DNAJC4: variants seen among roughly 807,000 people sequenced by gnomAD.
DNAJC4 encodes the protein dnaJ homolog subfamily C member 4.
DNAJC4 carries 26 observed loss-of-function variants against 26.8 expected under a neutral mutation model. That is an observed-to-expected ratio of 0.97 (90% confidence interval 0.71 to 1.34). DNAJC4 has a LOEUF of 1.34. Ranked by LOEUF, DNAJC4 falls within the 40% of genes most tolerant of loss-of-function variation. DNAJC4 has a pLI of 0.00. For synonymous variants in DNAJC4, 134 were observed against 127.8 expected (o/e 1.05, Z -0.33); for missense variants, 342 against 321.1 (o/e 1.07, Z -0.50).
In DNAJC4 at chr11:64,230,753, G is replaced by T; in HGVS notation, c.-102G>T. The T allele has an allele frequency of 2.7e-6, 4 of 1,467,216 alleles. No individual in the cohort carries two copies. Among genetic ancestry groups the T allele is most frequent in the Non-Finnish European group, 2.8e-6 (3 of 1,083,752 alleles). The allele number at this position is 1,467,216 out of a possible 1,614,324, so 90.9% of individuals were successfully genotyped here. On this transcript the variant is annotated 5_prime_UTR_variant, in exon 1 of 6. Transcript: ENST00000628077. ...CTTCAGTCTTCCTTTGCAGAACAAC[G>T]GGCCAGGCCCCTTCCCTCTGCCCCC...
In DNAJC4 at chr11:64,232,589, G is replaced by A. The variant is rs1477730119; in HGVS notation, c.340G>A (p.Asp114Asn). 2 of 1,605,454 alleles carry A rather than the reference G, an allele frequency of 1.2e-6. No individual in the cohort carries two copies. The highest frequency in any genetic ancestry group is 3.4e-5 in the Admixed American group (2 of 59,496). ...PPKSPRTTVH[D>N]KSAHQTHSSW... ...AAAGTCTCCACGAACCACAGTCCATGACAAGTCTGCCCACCAAACACACAG... is the reference window on the plus strand; with the variant it reads ...AAAGTCTCCACGAACCACAGTCCATAACAAGTCTGCCCACCAAACACACAG... The change falls in exon 3 of 6, where the codon GAC becomes AAC. Residue 114 changes from aspartate to asparagine, a missense_variant. Physicochemically the swap from Asp to Asn is conservative, Grantham distance 23. Coordinates refer to ENST00000628077, the MANE Select transcript of DNAJC4 (RefSeq NM_005528.4).
Position 64,232,500 on chromosome 11 carries a change from G to C in DNAJC4, c.251G>C (p.Arg84Pro). ...TTTGTGGAGCTGAGCGAGGCATACC[G>C]TGTGCTCAGCCGTGAGCAGAGCCGC... ...SRFVELSEAY[R>P]VLSREQSRRS... Residue 84 changes from arginine to proline, a missense_variant, in exon 3 of 6, where the codon CGT becomes CCT. Arg to Pro is a moderately radical substitution (Grantham distance 103). Transcript: ENST00000628077. The C allele has an allele frequency of 6.2e-7, 1 of 1,612,654 alleles. No homozygotes were observed. Among genetic ancestry groups the C allele is most frequent in the Non-Finnish European group, 8.5e-7 (1 of 1,179,014 alleles).
Position 64,232,800 on chromosome 11 carries a change from A to G in DNAJC4, c.462A>G (p.Lys154=). Reference sequence around the variant, plus strand: ...GGCAGCAGCAACACAAACAAAACAAACAAGTGCTGGGGTACTGCCTCCTCC... The same window carrying G: ...GGCAGCAGCAACACAAACAAAACAAGCAAGTGCTGGGGTACTGCCTCCTCC... ...QLRQQQHKQN[K]QVLGYCLLLM... The change falls in exon 4 of 6, where the codon AAA becomes AAG. Residue 154 remains lysine, a synonymous_variant. Coordinates refer to ENST00000628077, the MANE Select transcript of DNAJC4 (RefSeq NM_005528.4). The G allele has an allele frequency of 6.2e-7, 1 of 1,613,100 alleles. No individual in the cohort carries two copies. Among genetic ancestry groups the G allele is most frequent in the African/African-American group, 1.3e-5 (1 of 74,968 alleles).
In DNAJC4 at chr11:64,232,836, G is replaced by A. The variant is rs376654464; in HGVS notation, c.498G>A (p.Ala166=). ...VLGYCLLLML[A]GMGLHYIAFR... is the part of the protein sequence containing the mutation. ...GGTACTGCCTCCTCCTCATGCTGGC[G>A]GGCATGGGCCTGCACTACATTGCCT... The change falls in exon 4 of 6, where the codon GCG becomes GCA. Residue 166 remains alanine, a synonymous_variant. Transcript: ENST00000628077. 381 of 1,608,548 alleles carry A rather than the reference G, an allele frequency of 2.4e-4. No homozygotes were observed. Among genetic ancestry groups the A allele is most frequent in the Non-Finnish European group, 3.0e-4 (356 of 1,176,770 alleles).
At chr11:64,231,284 T>TG in intron 1 of DNAJC4, 1 of 386,336 alleles carries the variant, frequency 2.6e-6, no homozygotes, top group Non-Finnish European at 4.8e-6. Flanking sequence ...GCTCTGGAGA[T>TG]TCTGAACTGG....
chr11:64,230,502 G>A (rs58040631), upstream of DNAJC4: 6 of 568,568 alleles, frequency 1.1e-5, no homozygotes, highest in Non-Finnish European at 2.0e-5. Context: ...AGGAAATGGC[G>A]ACGGCCGCGG....
chr11:64,234,095 C>G lies in DNAJC4; in HGVS notation c.637C>G (p.Gln213Glu). 6.2e-7 allele frequency: 1 copy of G among 1,611,196 alleles called. No individual in the cohort carries two copies. Among genetic ancestry groups the G allele is most frequent in the Non-Finnish European group, 8.5e-7 (1 of 1,179,318 alleles). Residue 213 changes from glutamine (Q) to glutamate (E), a missense_variant, in exon 6 of 6, where the codon CAG becomes GAG. Gln to Glu is a conservative substitution (Grantham distance 29). Coordinates refer to ENST00000628077, the MANE Select transcript of DNAJC4 (RefSeq NM_005528.4). The surrounding 1 kb of genome is among the most constrained non-coding windows in gnomAD (Gnocchi z 5.3). ...CAGGGCCAACAGAGGCATCCTTCAG[C>G]AGGAGCGACAACGGCTAGGGCAGCG... ...RARANRGILQ[Q>E]ERQRLGQRQP...
intron 1 of DNAJC4, 52 bp downstream of exon 1, chr11:64,230,992 C>T: frequency 6.5e-7 from 1 of 1,532,758 alleles, no homozygotes; most frequent in Non-Finnish European, 8.7e-7. Flanking sequence ...TTCTGTTTGC[C>T]CTACGTGCTG....
In DNAJC4 at chr11:64,232,701, C is replaced by G. The variant is rs1947191908; in HGVS notation, c.366-3C>G. On this transcript the variant is annotated splice_region_variant and splice_polypyrimidine_tract_variant and intron_variant, in intron 3 of 5. Coordinates refer to ENST00000628077, the MANE Select transcript of DNAJC4 (RefSeq NM_005528.4). The stretch of plus-strand genomic sequence containing the variant: ...CAATGTCCCTTCCTCTGCCTCCCAG[C>G]AGCTCCTGGACACCCCCCAACGCAC... 6.3e-7 allele frequency: 1 copy of G among 1,585,418 alleles called. No homozygotes were observed. The highest frequency in any genetic ancestry group is 1.3e-5 in the African/African-American group (1 of 74,340).
intron 4 of DNAJC4, chr11:64,233,533 G>C (rs935369475): frequency 4.1e-6 from 1 of 246,890 alleles, no homozygotes; most frequent in East Asian, 8.5e-5. Context: ...GAGCTACCGC[G>C]CCTGGCCACA....
chr11:64,233,359 C>G (rs2135008525), intron 4 of DNAJC4: 1 of 158,742 alleles, frequency 6.3e-6, no homozygotes, highest in East Asian at 1.8e-4. Flanking sequence ...CTGTCTCAGC[C>G]TCCCGAGTAG....
rs1947181153 is a variant in DNAJC4 at position 64,231,915 on chromosome 11, G to A, written c.131G>A (p.Gly44Asp). ...TATGAACTGTTGGGGGTGCATCCTG[G>A]TGCCAGCACTGAGGAAGTTAAACGA... Reference protein sequence around the residue: ...TYYELLGVHPGASTEEVKRAF... With the variant: ...TYYELLGVHPDASTEEVKRAF... The change falls in exon 2 of 6, where the codon GGT (glycine) becomes GAT (aspartate). Residue 44 changes from glycine (G) to aspartate (D), a missense_variant. Physicochemically the swap from Gly to Asp is moderately conservative, Grantham distance 94. Transcript: ENST00000628077. 1 of 1,613,976 alleles carries A rather than the reference G, an allele frequency of 6.2e-7. No individual in the cohort carries two copies. The highest frequency in any genetic ancestry group is 1.3e-5 in the African/African-American group (1 of 74,920).
At position 64,232,746 on chromosome 11, in the gene DNAJC4, C is replaced by G. The variant is rs753521926; in HGVS notation, c.408C>G (p.His136Gln). The change falls in exon 4 of 6, where the codon CAC becomes CAG. Residue 136 changes from histidine to glutamine, a missense_variant. By Grantham distance (24) the His-to-Gln change is conservative (BLOSUM62 0). Transcript: ENST00000628077. ...PPNAQYWSQF[H>Q]SVRPQGPQLR... ...ACGCACAGTACTGGTCCCAGTTTCA[C>G]AGCGTGAGGCCACAGGGGCCCCAGT... 6.2e-7 allele frequency: 1 copy of G among 1,612,086 alleles called. No homozygotes were observed. Among genetic ancestry groups the G allele is most frequent in the East Asian group, 2.2e-5 (1 of 44,842 alleles).
At chr11:64,233,811 G>A (rs1291021735) in intron 4 of DNAJC4, 83 bp from the exon 5 acceptor site, 3 of 1,541,674 alleles carry the variant, frequency 1.9e-6, no homozygotes, top group Non-Finnish European at 2.7e-6. Flanking sequence ...AAAGCTGTGA[G>A]GCCCCTAGAG....
chr11:64,231,795 G>C, intron 1 of DNAJC4, 76 bp from the exon 2 acceptor site: 5 of 1,410,782 alleles, frequency 3.5e-6, no homozygotes, highest in Non-Finnish European at 5.0e-6. Flanking sequence ...GAGTTGAAGG[G>C]TGTGGCCCAG....
chr11:64,230,520 A>G, upstream of DNAJC4: 1 of 589,198 alleles, frequency 1.7e-6, no homozygotes, highest in Non-Finnish European at 3.2e-6. Context: ...CGGGTCTGTG[A>G]GCAGCGGGGG....
Position 64,232,517 on chromosome 11 carries a change from C to T in DNAJC4, c.268C>T (p.Gln90Ter), listed in dbSNP as rs778170358. The change falls in exon 3 of 6, where the codon CAG (glutamine) becomes TAG (stop). Residue 90 changes from glutamine to a stop codon, truncating the protein, a stop_gained. Coordinates refer to ENST00000628077, the MANE Select transcript of DNAJC4 (RefSeq NM_005528.4). LOFTEE classifies it high-confidence loss of function. ...SEAYRVLSRE[Q>*]SRRSYDDQLR... ...GGCATACCGTGTGCTCAGCCGTGAG[C>T]AGAGCCGCCGCAGCTATGATGACCA... 3 of 1,613,286 alleles carry T rather than the reference C, an allele frequency of 1.9e-6. No individual in the cohort carries two copies. The South Asian group carries it at 3.3e-5, about 18-fold the overall frequency.
chr11:64,231,592 C>T (rs769859174), intron 1 of DNAJC4: 8 of 346,128 alleles, frequency 2.3e-5, no homozygotes, highest in Non-Finnish European at 3.8e-5. Flanking sequence ...CCGCCCTCCT[C>T]GGCCTCCCAA....
At chr11:64,231,195 C>T (rs1331063867) in intron 1 of DNAJC4, 1 of 648,550 alleles carries the variant, frequency 1.5e-6, no homozygotes, top group African/African-American at 1.8e-5. Flanking sequence ...CCAAGCATCG[C>T]TGTATCACTG....
Sources: gnomAD v4.1 joint callset for allele counts on GRCh38, gnomAD v4.1.1 for gene constraint, Gnocchi (gnomAD v3.1) non-coding constraint, MANE v1.5 for transcripts, NCBI Gene and HGNC (gene_info 2026-07-23, HGNC 2026-07-21) for gene names.